Variants in HS6ST2 observed in about 807,000 individuals in gnomAD.
HS6ST2 encodes the protein heparan sulfate 6-O-sulfotransferase 2.
In HS6ST2, 17 loss-of-function variants were observed where a neutral mutation model predicts 33.0. The observed-to-expected ratio is 0.52, with a 90% CI of 0.35 to 0.77. HS6ST2 has a LOEUF of 0.77. HS6ST2 is among the 30% of genes least tolerant of loss of function. The probability of loss-of-function intolerance (pLI) is 0.01; values close to 1 mark genes in which losing one functional copy is unlikely to be tolerated. For synonymous variants in HS6ST2, 248 were observed against 237.1 expected, an observed-to-expected ratio of 1.05 and a Z score of -0.42; for missense variants, 519 against 551.7, an observed-to-expected ratio of 0.94 and a Z score of 0.59.
At chrX:132,745,358 T>G (rs1020347546) in intron 2 of HS6ST2, among the ~76,000 whole-genome samples, 2 of 112,343 alleles carry the variant, frequency 1.8e-5, no homozygotes, top group Non-Finnish European at 3.8e-5. Flanking sequence ...GTGCTGGGAT[T>G]ACAGGCGTGA....
chrX:132,659,434 T>C (rs1198273850), intron 4 of HS6ST2, among the ~76,000 whole-genome samples: 2 of 111,722 alleles, frequency 1.8e-5, no homozygotes, highest in Non-Finnish European at 3.8e-5. Context: ...ACATACATAG[T>C]AGTGAAAGTG....
chrX:132,877,267 A>C (rs1374870395), intron 2 of HS6ST2, among the ~76,000 whole-genome samples: 4 of 112,324 alleles, frequency 3.6e-5, no homozygotes, highest in African/African-American at 1.3e-4. Flanking sequence ...TAACCCAATA[A>C]GAAAGGTAGG....
At chrX:132,695,818 G>T (rs930347233) in intron 3 of HS6ST2, among the ~76,000 whole-genome samples, 1 of 112,027 alleles carries the variant, frequency 8.9e-6, no homozygotes. Context: ...TGAAAGCCTG[G>T]TGAACACAGC....
At chrX:132,812,590 G>C (rs2065359893) in intron 2 of HS6ST2, among the ~76,000 whole-genome samples, 1 of 105,166 alleles carries the variant, frequency 9.5e-6, no homozygotes, top group Non-Finnish European at 1.9e-5. Context: ...TTTTGGGGGG[G>C]GGAGAAATTA....
At chrX:132,874,918 C>T (rs996457) in intron 2 of HS6ST2, among the ~76,000 whole-genome samples, 1 of 110,053 alleles carries the variant, frequency 9.1e-6, no homozygotes, top group Non-Finnish European at 1.9e-5. Context: ...AAGGGGGGGG[C>T]GGCCCATGGC....
intron 2 of HS6ST2, among the ~76,000 whole-genome samples, chrX:132,787,176 T>TATATATATATACATATATATATAC (rs1364815955): frequency 1.2e-5 from 1 of 83,385 alleles, no homozygotes; most frequent in Non-Finnish European, 2.2e-5. Context: ...TGTATATATA[T>TATATATATATACATATATATATAC]ATATATATAT....
chrX:132,807,149 G>T lies in HS6ST2; in HGVS notation c.948-98655C>A, dbSNP rs188125155. Among the ~76,000 whole-genome samples the T allele has an allele frequency of 5.2e-4, 57 of 110,179 alleles. 2 individuals are homozygous for T. In the East Asian group the frequency reaches 0.011, roughly 21 times the overall value. ...TAGATCCAGGATTGGAACCACACCT[G>T]ACTGACTCCAAGGCCTGAGCTCCTT... On this transcript the variant is annotated intron_variant, in intron 2 of 4. Coordinates refer to ENST00000370833, the MANE Select transcript of HS6ST2 (RefSeq NM_001394073.1).
intron 2 of HS6ST2, among the ~76,000 whole-genome samples, chrX:132,709,105 T>A (rs189110409): frequency 4.5e-4 from 50 of 112,319 alleles, no homozygotes; most frequent in Non-Finnish European, 9.0e-4. Context: ...TGTCTCCCCA[T>A]TCAAAAAACA....
chrX:132,702,136 T>C (rs1055577764), intron 3 of HS6ST2, among the ~76,000 whole-genome samples: 1 of 112,374 alleles, frequency 8.9e-6, no homozygotes. Context: ...AAACAGCATA[T>C]TGAAAAGAGA....
At chrX:132,759,874 C>A (rs1354267603) in intron 2 of HS6ST2, among the ~76,000 whole-genome samples, 1 of 111,577 alleles carries the variant, frequency 9.0e-6, no homozygotes, top group African/African-American at 3.3e-5. Flanking sequence ...AAATTACATG[C>A]CCTATTTCAC....
chrX:132,670,199 A>G (rs2063854846), intron 3 of HS6ST2, among the ~76,000 whole-genome samples: 1 of 111,900 alleles, frequency 8.9e-6, no homozygotes, highest in Non-Finnish European at 1.9e-5. Context: ...TGTGTATAAT[A>G]GAACCTTCCA....
chrX:132,836,403 G>T (rs1160487630), intron 2 of HS6ST2, among the ~76,000 whole-genome samples: 1 of 112,587 alleles, frequency 8.9e-6, no homozygotes, highest in African/African-American at 3.2e-5. Flanking sequence ...TGGCAACAGG[G>T]CACCTTAAGG....
rs758410538 is a variant in HS6ST2 at position 132,939,552 on chromosome X, G to C, written c.947+17256C>G. The stretch of plus-strand genomic sequence containing the variant: ...AGGCAGGAGAATTGCTTGAACATGG[G>C]GGGCAGAGGTTGCAGTGAGCCGAGA... On this transcript the variant is annotated intron_variant, in intron 2 of 4. Coordinates refer to ENST00000370833, the MANE Select transcript of HS6ST2 (RefSeq NM_001394073.1). Among the ~76,000 whole-genome samples, 6 of 110,953 alleles carry C rather than the reference G, an allele frequency of 5.4e-5. No individual in the cohort carries two copies. The South Asian group carries it at 1.2e-3, about 22-fold the overall frequency.
At chrX:132,933,751 A>G (rs1221475907) in intron 2 of HS6ST2, among the ~76,000 whole-genome samples, 2 of 112,086 alleles carry the variant, frequency 1.8e-5, no homozygotes, top group Non-Finnish European at 3.8e-5. Context: ...AGGAACCTCA[A>G]TAACACTGAC....
chrX:132,761,339 T>C (rs1024616839), intron 2 of HS6ST2, among the ~76,000 whole-genome samples: 4 of 111,348 alleles, frequency 3.6e-5, no homozygotes, highest in Non-Finnish European at 7.5e-5. Context: ...GGGAAGTGAG[T>C]GCCCAGAAGT....
chrX:132,708,657 C>T (rs2064206145), intron 2 of HS6ST2, 163 bp from the exon 3 acceptor site: 1 of 436,628 alleles, frequency 2.3e-6, no homozygotes, highest in African/African-American at 2.5e-5. Context: ...CCCACTGGCT[C>T]CTCTCAAGTA....
intron 4 of HS6ST2, among the ~76,000 whole-genome samples, chrX:132,666,564 G>A (rs2148199429): frequency 9.0e-6 from 1 of 111,392 alleles, no homozygotes; most frequent in African/African-American, 3.3e-5. Context: ...TGTTTCATGA[G>A]CTTTTGGTAG....
intron 2 of HS6ST2, among the ~76,000 whole-genome samples, chrX:132,796,418 C>T (rs891800173): frequency 8.9e-6 from 1 of 112,365 alleles, no homozygotes; most frequent in Non-Finnish European, 1.9e-5. Flanking sequence ...GCTCTAAGTA[C>T]CTACCATATG....
chrX:132,650,846 C>T (rs1317424096), intron 4 of HS6ST2, among the ~76,000 whole-genome samples: 2 of 110,377 alleles, frequency 1.8e-5, no homozygotes, highest in African/African-American at 3.3e-5. Context: ...GTGACCATAG[C>T]TCACTGCAGA....
Sources: allele counts gnomAD v4.1 joint callset (sites outside exome capture counted in the v4.1 genomes callset), GRCh38; gene constraint gnomAD v4.1.1; transcripts MANE v1.5; gene names NCBI Gene and HGNC (gene_info 2026-07-23, HGNC 2026-07-21).